THSD7B: variants seen among roughly 807,000 people sequenced by gnomAD.
The protein encoded by THSD7B is thrombospondin type 1 domain containing 7B.
Under a neutral mutation model 213.6 loss-of-function variants are expected in THSD7B, and 138 were observed. That is an observed-to-expected ratio of 0.65 (90% CI 0.56 to 0.74). THSD7B has a LOEUF of 0.74. Ranked by LOEUF, THSD7B falls within the 30% of genes least tolerant of loss-of-function variation. The probability of loss-of-function intolerance (pLI) is 0.00; values close to 1 mark genes in which losing one functional copy is unlikely to be tolerated. For synonymous variants in THSD7B, 742 were observed against 687.0 expected (o/e 1.08, Z -1.25); for missense variants, 1,931 against 1,991.5 (o/e 0.97, Z 0.58).
intron 1 of THSD7B, among the ~76,000 whole-genome samples, chr2:136,776,732 G>T (rs1265129339): frequency 6.6e-6 from 1 of 152,108 alleles, no homozygotes; most frequent in African/African-American, 2.4e-5. Flanking sequence ...GCCAAGAGAG[G>T]TTCAAAATAG....
chr2:137,486,999 T>C (rs1205518409), intron 15 of THSD7B, among the ~76,000 whole-genome samples: 4 of 151,998 alleles, frequency 2.6e-5, no homozygotes, highest in Non-Finnish European at 4.4e-5. Context: ...AAGCAGTGTG[T>C]AGAGGGAAAT....
chr2:136,935,145 G>A (rs1346738), intron 2 of THSD7B, among the ~76,000 whole-genome samples: 16,985 of 152,122 alleles, frequency 0.11, 1,085 homozygotes, highest in East Asian at 0.15. Context: ...TCTAAGAAAT[G>A]ATTCAGATAT....
At chr2:137,462,729 C>T (rs958405530) in intron 15 of THSD7B, among the ~76,000 whole-genome samples, 1 of 151,292 alleles carries the variant, frequency 6.6e-6, no homozygotes, top group African/African-American at 2.4e-5. Flanking sequence ...ACAAGATTGG[C>T]TGTTGTGGTA....
At chr2:136,804,119 A>G (rs1350345984) in intron 1 of THSD7B, among the ~76,000 whole-genome samples, 5 of 152,118 alleles carry the variant, frequency 3.3e-5, no homozygotes, top group Non-Finnish European at 7.4e-5. Context: ...CTCCTGTACA[A>G]AGCTGGATAT....
chr2:137,411,113 T>C (rs1352832140), intron 13 of THSD7B, among the ~76,000 whole-genome samples: 1 of 152,266 alleles, frequency 6.6e-6, no homozygotes, highest in Non-Finnish European at 1.5e-5. Flanking sequence ...TATTTCAATT[T>C]ATTGTTTGTA....
intron 2 of THSD7B, among the ~76,000 whole-genome samples, chr2:137,048,922 T>C (rs1344616427): frequency 6.6e-6 from 1 of 152,198 alleles, no homozygotes; most frequent in Non-Finnish European, 1.5e-5. Flanking sequence ...AGAAAGTCCT[T>C]CAGGAGAACG....
At chr2:136,868,480 A>G (rs1017528754) in intron 1 of THSD7B, among the ~76,000 whole-genome samples, 1 of 152,220 alleles carries the variant, frequency 6.6e-6, no homozygotes, top group Non-Finnish European at 1.5e-5. Flanking sequence ...TCAACTGTAG[A>G]TACATTTTTC....
chr2:137,434,324 C>G (rs1478924222), intron 14 of THSD7B, among the ~76,000 whole-genome samples: 3 of 152,164 alleles, frequency 2.0e-5, no homozygotes, highest in Non-Finnish European at 4.4e-5. Context: ...AGATGCCTCT[C>G]TCTGAGTGAT....
intron 12 of THSD7B, among the ~76,000 whole-genome samples, chr2:137,311,574 C>G (rs1004492956): frequency 6.6e-5 from 10 of 152,174 alleles, no homozygotes; most frequent in East Asian, 1.9e-4. Context: ...GGGCATCCCT[C>G]TCTTGTGCCC....
intron 17 of THSD7B, among the ~76,000 whole-genome samples, chr2:137,610,216 T>A (rs558906926): frequency 2.6e-5 from 4 of 152,108 alleles, no homozygotes; most frequent in Non-Finnish European, 5.9e-5. Context: ...TTCTTTTGTC[T>A]TTTTTTACCC....
chr2:137,592,395 C>T (rs1167522611), intron 17 of THSD7B, among the ~76,000 whole-genome samples: 2 of 138,482 alleles, frequency 1.4e-5, no homozygotes, highest in African/African-American at 5.8e-5. Context: ...AAAAGCTAAT[C>T]TTTTTCTATT....
At chr2:137,206,940 A>C (rs1278814334) in intron 7 of THSD7B, among the ~76,000 whole-genome samples, 1 of 152,086 alleles carries the variant, frequency 6.6e-6, no homozygotes, top group African/African-American at 2.4e-5. Context: ...AGGAATGTAT[A>C]TCTTTGTGGG....
chr2:137,503,697 G>C (rs908586332), intron 15 of THSD7B, among the ~76,000 whole-genome samples: 1 of 152,094 alleles, frequency 6.6e-6, no homozygotes, highest in Non-Finnish European at 1.5e-5. Flanking sequence ...TCCCTCCTCT[G>C]TTAAGCGGAA....
At chr2:136,904,266 C>T (rs1239392456) in intron 2 of THSD7B, among the ~76,000 whole-genome samples, 1 of 151,974 alleles carries the variant, frequency 6.6e-6, no homozygotes, top group Non-Finnish European at 1.5e-5. Flanking sequence ...CTGGGATAAG[C>T]CTGGGCAGTG....
intron 2 of THSD7B, among the ~76,000 whole-genome samples, chr2:136,979,607 T>C (rs1358552436): frequency 6.6e-6 from 1 of 152,216 alleles, no homozygotes; most frequent in Admixed American, 6.5e-5. Context: ...AGTTCTCAAG[T>C]TGTATTTTTC....
chr2:136,874,075 T>C (rs1683486988), intron 1 of THSD7B, among the ~76,000 whole-genome samples: 1 of 152,218 alleles, frequency 6.6e-6, no homozygotes, highest in South Asian at 2.1e-4. Context: ...CTTGTACAGA[T>C]GCTAAGAGAA....
chr2:136,864,260 G>A (rs1384708978), intron 1 of THSD7B, among the ~76,000 whole-genome samples: 1 of 152,128 alleles, frequency 6.6e-6, no homozygotes, highest in Non-Finnish European at 1.5e-5. Context: ...GCCACATTTG[G>A]TGTTGGGTAC....
At chr2:137,242,622 C>A in intron 10 of THSD7B, 50 bp downstream of exon 10, 2 of 1,400,324 alleles carry the variant, frequency 1.4e-6, no homozygotes, top group Non-Finnish European at 2.0e-6. Context: ...CTGATTGTTT[C>A]TCCACATCTA....
chr2:137,203,833 A>G (rs1215875976), intron 7 of THSD7B, among the ~76,000 whole-genome samples: 1 of 152,050 alleles, frequency 6.6e-6, no homozygotes, highest in East Asian at 1.9e-4. Context: ...GAGATTTAGA[A>G]AAGTATCATG....
Sources: allele counts gnomAD v4.1 joint callset (sites outside exome capture counted in the v4.1 genomes callset), GRCh38; gene constraint gnomAD v4.1.1; transcripts MANE v1.5; gene names NCBI Gene and HGNC (gene_info 2026-07-23, HGNC 2026-07-21).